Variants in KLHL5 observed in about 807,000 individuals in gnomAD.
KLHL5 encodes kelch-like protein 5.
A neutral mutation model predicts 77.7 loss-of-function variants in KLHL5; 48 were observed. The observed-to-expected ratio is 0.62, with a 90% CI of 0.49 to 0.79. KLHL5 has a LOEUF of 0.79. KLHL5 is among the 30% of genes least tolerant of loss of function. The pLI, the probability that KLHL5 is intolerant of heterozygous loss-of-function variation, is 0.00. For missense variants in KLHL5, 723 were observed against 859.7 expected (o/e 0.84, Z 1.99); for synonymous variants, 260 against 297.0 (o/e 0.88, Z 1.28).
intron 2 of KLHL5, among the ~76,000 whole-genome samples, chr4:39,076,743 GTT>G (rs137873302): frequency 2.2e-4 from 27 of 121,108 alleles, no homozygotes; most frequent in Non-Finnish European, 2.4e-4. Context: ...ATTCTCAAAG[GTT>G]TTTTTTTTTT....
chr4:39,087,792 A>T (rs1720184647), intron 5 of KLHL5, among the ~76,000 whole-genome samples: 1 of 152,198 alleles, frequency 6.6e-6, no homozygotes, highest in South Asian at 2.1e-4. Context: ...GTTCAAGTTC[A>T]GACTTTCTTT....
upstream of KLHL5, among the ~76,000 whole-genome samples, chr4:39,059,538 G>C (rs112016172): frequency 8.5e-3 from 1,290 of 152,280 alleles, 19 homozygotes; most frequent in African/African-American, 0.029. Flanking sequence ...CTTGAGATCA[G>C]GAGTTTGAGA....
the KLHL5 span, among the ~76,000 whole-genome samples, chr4:39,141,398 T>A: frequency 6.9e-6 from 1 of 143,950 alleles, no homozygotes; most frequent in Admixed American, 7.2e-5. Flanking sequence ...AAGCTCCACC[T>A]GCCGGGTTCA....
intron 1 of KLHL5, among the ~76,000 whole-genome samples, chr4:39,074,197 C>A (rs1314948287): frequency 2.0e-5 from 3 of 152,116 alleles, no homozygotes; most frequent in Non-Finnish European, 4.4e-5. Context: ...AGATAATATA[C>A]ATTTGACTTC....
the KLHL5 span, among the ~76,000 whole-genome samples, chr4:39,140,142 T>C: frequency 6.6e-6 from 1 of 152,014 alleles, no homozygotes; most frequent in African/African-American, 2.4e-5. Flanking sequence ...GGCAGGAGGA[T>C]TGCTTGAACC....
intron 5 of KLHL5, among the ~76,000 whole-genome samples, chr4:39,087,786 A>C (rs1456574162): frequency 6.6e-6 from 1 of 152,196 alleles, no homozygotes; most frequent in African/African-American, 2.4e-5. Flanking sequence ...GTTACTGTTC[A>C]AGTTCAGACT....
At chr4:39,066,538 G>A (rs543585879) in intron 1 of KLHL5, among the ~76,000 whole-genome samples, 1 of 152,240 alleles carries the variant, frequency 6.6e-6, no homozygotes, top group African/African-American at 2.4e-5. Flanking sequence ...TGATGGAAAA[G>A]CAACATGCAT....
intron 1 of KLHL5, among the ~76,000 whole-genome samples, chr4:39,051,708 A>G (rs976163041): frequency 3.7e-5 from 2 of 53,908 alleles, no homozygotes; most frequent in African/African-American, 1.2e-4. Flanking sequence ...TTAAAAAAAG[A>G]AAAAACAAAC....
At position 39,096,750 on chromosome 4, in the gene KLHL5, T is replaced by C. The variant is rs1407430574; in HGVS notation, c.1172T>C (p.Leu391Pro). The change falls in exon 6 of 11, where the codon CTC (leucine) becomes CCC (proline). Residue 391 changes from leucine to proline, a missense_variant. Leu to Pro is a moderately conservative substitution (Grantham distance 98, BLOSUM62 -3). Around this residue, in one of 3 missense-constraint regions of KLHL5, gnomAD observed 288 missense variants for 400.3 expected, o/e 0.72. Coordinates refer to ENST00000504108, the MANE Select transcript of KLHL5 (RefSeq NM_015990.5). ...LFRDDIECQKLIMEAMKYHLL... is the reference protein window; with the variant it reads ...LFRDDIECQKPIMEAMKYHLL... ...CGGGATGATATAGAATGTCAGAAAC[T>C]CATTATGGAAGCAATGAAGTACCAT... 1 of 1,613,222 alleles carries C rather than the reference T, an allele frequency of 6.2e-7. No individual in the cohort carries two copies. The highest frequency in any genetic ancestry group is 8.5e-7 in the Non-Finnish European group (1 of 1,179,340).
chr4:39,060,685 T>C (rs1273289765), upstream of KLHL5, among the ~76,000 whole-genome samples: 1 of 152,170 alleles, frequency 6.6e-6, no homozygotes, highest in Non-Finnish European at 1.5e-5. Context: ...TGTGTCTATG[T>C]TGGAAAATGG....
chr4:39,044,892 C>G, upstream of KLHL5: 8 of 973,836 alleles, frequency 8.2e-6, no homozygotes, highest in Non-Finnish European at 9.8e-6. Flanking sequence ...TCTGACCCCC[C>G]GGCCTGGCGC....
intron 1 of KLHL5, among the ~76,000 whole-genome samples, chr4:39,064,609 A>G (rs1390266371): frequency 6.6e-6 from 1 of 152,178 alleles, no homozygotes; most frequent in East Asian, 1.9e-4. Context: ...AAATTTTTAT[A>G]CATGTGTAAT....
intron 9 of KLHL5, among the ~76,000 whole-genome samples, chr4:39,113,821 T>C (rs1722639334): frequency 6.6e-6 from 1 of 152,174 alleles, no homozygotes; most frequent in South Asian, 2.1e-4. Context: ...CCATTGTGGC[T>C]GAAGAGCAAA....
rs981769784 is a variant in KLHL5 at position 39,062,370 on chromosome 4, G to A, written c.-283G>A. ...ATGGTCAGTATGGGAAAGGAGAGCC[G>A]GGAAAGTGGTCTAGCTGCTTCAGGA... On this transcript the variant is annotated 5_prime_UTR_variant, in exon 1 of 11. Coordinates refer to ENST00000504108, the MANE Select transcript of KLHL5 (RefSeq NM_015990.5). The A allele has an allele frequency of 1.0e-5, 15 of 1,438,588 alleles. No individual in the cohort carries two copies. Among genetic ancestry groups the A allele is most frequent in the East Asian group, 7.5e-5 (3 of 39,892 alleles). 89.1% of individuals were successfully genotyped at this position (1,438,588 alleles called of 1,614,324 possible).
At chr4:39,059,786 C>T (rs181523076), upstream of KLHL5, among the ~76,000 whole-genome samples, 214 of 152,236 alleles carry the variant, frequency 1.4e-3, no homozygotes, top group African/African-American at 4.8e-3. Flanking sequence ...GTAGTCCCAA[C>T]TACTCAGGAG....
chr4:39,103,359 G>A lies in KLHL5; in HGVS notation c.1373G>A (p.Arg458Lys), dbSNP rs374197598. ...WTPVANMNGR[R>K]LQFGVAVLDD... is the part of the protein sequence containing the mutation. ...CCAGTAGCAAATATGAATGGGAGGA[G>A]GCTACAGTTCGGTGTTGCAGTGCTA... is the stretch of plus-strand genomic sequence containing the variant. The change falls in exon 7 of 11, where the codon AGG (arginine) becomes AAG (lysine). Residue 458 changes from arginine (R) to lysine (K), a missense_variant. Transcript: ENST00000504108. 6.2e-6 allele frequency: 10 copies of A among 1,614,102 alleles called. No homozygotes were observed. The highest frequency in any genetic ancestry group is 8.5e-6 in the Non-Finnish European group (10 of 1,180,006).
intron 6 of KLHL5, among the ~76,000 whole-genome samples, chr4:39,097,882 G>A (rs932774943): frequency 2.6e-5 from 4 of 152,078 alleles, no homozygotes; most frequent in African/African-American, 4.8e-5. Flanking sequence ...TGTAATCTTA[G>A]CACTTTGGGA....
chr4:39,105,640 TTA>T (rs891787370), intron 7 of KLHL5, among the ~76,000 whole-genome samples: 26 of 151,146 alleles, frequency 1.7e-4, no homozygotes, highest in African/African-American at 2.9e-4. Flanking sequence ...ATTTATATGT[TTA>T]TATATATACA....
intron 1 of KLHL5, among the ~76,000 whole-genome samples, chr4:39,048,824 A>G (rs1315116467): frequency 6.6e-5 from 10 of 151,622 alleles, no homozygotes; most frequent in Non-Finnish European, 1.5e-5. Flanking sequence ...TTGTATTTGT[A>G]GTAGAGACGG....
Sources: gnomAD v4.1 joint callset for allele counts (sites outside exome capture counted in the v4.1 genomes callset) on GRCh38, gnomAD v4.1.1 for gene constraint, gnomAD v4.1.1 regional missense constraint, MANE v1.5 for transcripts, NCBI Gene and HGNC (gene_info 2026-07-23, HGNC 2026-07-21) for gene names.